Variants in ZNF559 observed in about 807,000 individuals in gnomAD.
ZNF559 encodes putative protein product of Nbla00121.
A neutral mutation model predicts 14.2 loss-of-function variants in ZNF559; 17 were observed. The ratio of observed to expected loss-of-function variants is 1.20; its 90% CI spans 0.82 to 1.80. ZNF559 has a LOEUF of 1.80. ZNF559 is among the 40% of genes most tolerant of loss of function. The probability of loss-of-function intolerance (pLI) is 0.00; values close to 1 mark genes in which losing one functional copy is unlikely to be tolerated. For missense variants in ZNF559, 740 were observed against 629.7 expected (o/e 1.18, Z -1.88); for synonymous variants, 244 against 212.4 (o/e 1.15, Z -1.29).
At position 9,340,567 on chromosome 19, in the gene ZNF559, T is replaced by TAAAAAAAAAA. The variant is rs34086147; in HGVS notation, c.161-520_161-511dup. 6.2e-4 allele frequency among the ~76,000 whole-genome samples: 47 copies of TAAAAAAAAAA among 75,784 alleles called. 1 individual carries two copies. The highest frequency in any genetic ancestry group is 2.5e-3 in the African/African-American group (42 of 17,020). The allele number at this position is 75,784 out of a possible 152,430, so 49.7% of individuals were successfully genotyped here. On this transcript the variant is annotated intron_variant, in intron 5 of 6. Transcript: ENST00000603380. ...TTTCTTTTTTTTCTCTCTCTGTCTC[T>TAAAAAAAAAA]AAAAAAAAAAAAAAAAAAAAAAAAG...
upstream of ZNF559, chr19:9,323,924 T>G (rs1203648439): frequency 5.3e-6 from 3 of 561,328 alleles, no homozygotes; most frequent in Non-Finnish European, 9.5e-6. Context: ...CCAGCTCTTG[T>G]TCTTTTGTTG....
At position 9,324,182 on chromosome 19, in the gene ZNF559, C is replaced by G; in HGVS notation, c.-252C>G. 1 of 1,536,072 alleles carries G rather than the reference C, an allele frequency of 6.5e-7. No homozygotes were observed. ...CGCGGCGTGTCTGCGTGGGCGCATG[C>G]GCATAACGGCCGCCATCTTAACAGC... is the stretch of plus-strand genomic sequence containing the variant. On this transcript the variant is annotated 5_prime_UTR_variant, in exon 1 of 7. Transcript: ENST00000603380.
chr19:9,343,861 C>G lies in ZNF559; in HGVS notation c.*793C>G, dbSNP rs151097454. ...CTGGTCTGAAGATCCTGAGTTATCT[C>G]AATTGTTCACGGTTACAGATGGAAC... On this transcript the variant is annotated 3_prime_UTR_variant, in exon 7 of 7. Transcript: ENST00000603380. The G allele has an allele frequency of 1.1e-3, 1,016 of 945,368 alleles. 9 individuals are homozygous for G. The African/African-American group carries it at 0.016, about 15-fold the overall frequency. 58.6% of individuals were successfully genotyped at this position (945,368 alleles called of 1,614,324 possible).
chr19:9,329,289 C>T (rs1020601397), intron 2 of ZNF559, among the ~76,000 whole-genome samples: 14 of 152,082 alleles, frequency 9.2e-5, no homozygotes, highest in Admixed American at 8.5e-4. Context: ...TCACTATTTT[C>T]TTATTACTAT....
intron 6 of ZNF559, chr19:9,341,491 T>C (rs2067582880): frequency 1.0e-6 from 1 of 958,636 alleles, no homozygotes. Flanking sequence ...AAGTAAAGAA[T>C]ATAACAGAAC....
chr19:9,332,962 C>G (rs2067018267), intron 2 of ZNF559: 1 of 152,138 alleles, frequency 6.6e-6, no homozygotes, highest in Non-Finnish European at 1.5e-5. Context: ...GAAAATGTAT[C>G]TTGGTTTTTG....
chr19:9,333,333 A>G (rs777977561), intron 2 of ZNF559, among the ~76,000 whole-genome samples: 2 of 152,220 alleles, frequency 1.3e-5, no homozygotes, highest in Non-Finnish European at 1.5e-5. Context: ...TTCTAAGTCA[A>G]AGGGTAAATA....
At chr19:9,324,646 A>C in intron 1 of ZNF559, 49 bp from the exon 2 acceptor site, 3 of 374,550 alleles carry the variant, frequency 8.0e-6, no homozygotes, top group Non-Finnish European at 1.0e-5. Context: ...CTCTAATGGA[A>C]AAAAAAAAAA....
chr19:9,326,096 A>G (rs2066580986), intron 2 of ZNF559, among the ~76,000 whole-genome samples: 1 of 132,710 alleles, frequency 7.5e-6, no homozygotes, highest in Non-Finnish European at 1.6e-5. Flanking sequence ...TAACTAGACT[A>G]TTCACCTGAT....
At chr19:9,337,510 G>A (rs984017880) in intron 2 of ZNF559, among the ~76,000 whole-genome samples, 15 of 152,130 alleles carry the variant, frequency 9.9e-5, no homozygotes, top group Admixed American at 3.3e-4. Flanking sequence ...TCATGGTCAC[G>A]TTGGAGAATA....
intron 2 of ZNF559, among the ~76,000 whole-genome samples, chr19:9,329,539 T>G (rs1426191376): frequency 1.3e-5 from 2 of 152,240 alleles, no homozygotes; most frequent in Admixed American, 6.5e-5. Context: ...TTGTGTGATG[T>G]AAGAATAGGG....
intron 3 of ZNF559, chr19:9,338,071 G>C: frequency 4.0e-6 from 6 of 1,482,152 alleles, no homozygotes; most frequent in Non-Finnish European, 5.5e-6. Context: ...TCTGTGAACA[G>C]CTTGTCTTGT....
chr19:9,325,071 A>G (rs986608076), intron 2 of ZNF559, among the ~76,000 whole-genome samples: 8 of 152,188 alleles, frequency 5.3e-5, no homozygotes, highest in African/African-American at 1.9e-4. Flanking sequence ...GGGCTGATTT[A>G]CTAGCAGGAG....
Position 9,337,690 on chromosome 19 carries a change from A to G in ZNF559, c.-119-106A>G, listed in dbSNP as rs2067315931. 4.1e-6 allele frequency: 3 copies of G among 740,174 alleles called. 1 individual carries two copies. Among genetic ancestry groups the G allele is most frequent in the East Asian group, 8.2e-5 (2 of 24,274 alleles). 45.9% of individuals were successfully genotyped at this position (740,174 alleles called of 1,614,324 possible). Reference sequence around the variant, plus strand: ...GATAATTATATGAACTTATCCTACCACTGTTTCTGGCACATGGGTACTAGG... The same window carrying G: ...GATAATTATATGAACTTATCCTACCGCTGTTTCTGGCACATGGGTACTAGG... On this transcript the variant is annotated intron_variant, in intron 2 of 6. Coordinates refer to ENST00000603380, the MANE Select transcript of ZNF559 (RefSeq NM_032497.3).
chr19:9,339,717 A>C (rs958708292), intron 5 of ZNF559, among the ~76,000 whole-genome samples: 16 of 151,954 alleles, frequency 1.1e-4, no homozygotes, highest in Admixed American at 1.0e-3. Context: ...CAGACAGCAA[A>C]ATCTTAGCTC....
intron 2 of ZNF559, among the ~76,000 whole-genome samples, chr19:9,332,307 G>GAAT (rs1307673444): frequency 1.7e-4 from 26 of 151,668 alleles, no homozygotes; most frequent in African/African-American, 6.3e-4. Flanking sequence ...GTTCTAACTT[G>GAAT]ATGTATTATC....
chr19:9,326,901 T>C (rs2066637685), intron 2 of ZNF559, among the ~76,000 whole-genome samples: 1 of 152,218 alleles, frequency 6.6e-6, no homozygotes, highest in South Asian at 2.1e-4. Flanking sequence ...TTAAAAGTTT[T>C]TCAATAACAA....
rs1232477200 is a variant in ZNF559, at chr19:9,343,801, T to G, written c.*733T>G. 1.0e-6 allele frequency: 1 copy of G among 985,194 alleles called. No homozygotes were observed. Among genetic ancestry groups the G allele is most frequent in the Non-Finnish European group, 1.2e-6 (1 of 829,806 alleles). 61.0% of individuals were successfully genotyped at this position (985,194 alleles called of 1,614,324 possible). A position where few individuals can be genotyped will look rare whatever the true frequency, so the allele number is the denominator to read the frequency against. On this transcript the variant is annotated 3_prime_UTR_variant, in exon 7 of 7. Coordinates refer to ENST00000603380, the MANE Select transcript of ZNF559 (RefSeq NM_032497.3). ...ATGCTTTTGGTAAATATACATGTTT[T>G]AAAGAGGTTATATATCATTAATAAA...
intron 3 of ZNF559, 108 bp downstream of exon 3, chr19:9,337,966 A>G: frequency 6.5e-7 from 1 of 1,536,084 alleles, no homozygotes; most frequent in Non-Finnish European, 8.7e-7. Context: ...ATATTCAGGC[A>G]CATTTCACTG....
Sources: gnomAD v4.1 joint callset for allele counts (sites outside exome capture counted in the v4.1 genomes callset) on GRCh38, gnomAD v4.1.1 for gene constraint, MANE v1.5 for transcripts, NCBI Gene and HGNC (gene_info 2026-07-23, HGNC 2026-07-21) for gene names.